HERC1: variants seen among roughly 807,000 people sequenced by gnomAD.
The protein encoded by HERC1 is HECT and RLD domain containing E3 ubiquitin protein ligase family member 1, also known as probable E3 ubiquitin-protein ligase HERC1.
Under a neutral mutation model 554.3 loss-of-function variants are expected in HERC1, and 160 were observed. The observed-to-expected ratio is 0.29, with a 90% CI of 0.25 to 0.33. The LOEUF (loss-of-function observed/expected upper bound fraction) is 0.33. Ranked by LOEUF, HERC1 falls within the 10% of genes least tolerant of loss-of-function variation. HERC1 has a pLI of 1.00. For missense variants in HERC1, 4,919 were observed against 5,918.5 expected (o/e 0.83, Z 5.54); for synonymous variants, 2,175 against 2,131.7 (o/e 1.02, Z -0.56).
At chr15:63,740,064 C>G (rs2141321373) in intron 12 of HERC1, among the ~76,000 whole-genome samples, 1 of 152,102 alleles carries the variant, frequency 6.6e-6, no homozygotes, top group East Asian at 1.9e-4. Flanking sequence ...GCATGCGCCA[C>G]CAGACTCAAC....
intron 1 of HERC1, among the ~76,000 whole-genome samples, chr15:63,830,434 A>C (rs2078114391): frequency 6.6e-6 from 1 of 152,192 alleles, no homozygotes; most frequent in Non-Finnish European, 1.5e-5. Context: ...GGTCGTGAAA[A>C]ACAAAAACTG....
chr15:63,763,579 CTT>C (rs368105722), intron 3 of HERC1, among the ~76,000 whole-genome samples: 26 of 141,656 alleles, frequency 1.8e-4, no homozygotes, highest in Admixed American at 2.1e-4. Context: ...AAAGACTTTC[CTT>C]TTTTTTTTTT....
intron 53 of HERC1, 50 bp from the exon 54 acceptor site, chr15:63,649,975 A>C (rs1452014919): frequency 1.5e-6 from 2 of 1,363,718 alleles, no homozygotes; most frequent in African/African-American, 2.9e-5. Context: ...TTAAAAAGAA[A>C]AAAAGGAACA....
In HERC1 at chr15:63,748,358, T is replaced by G. The variant is rs576625234; in HGVS notation, c.2220-500A>C. On this transcript the variant is annotated intron_variant, in intron 10 of 77. Transcript: ENST00000443617. The stretch of plus-strand genomic sequence containing the variant: ...AGGAAAACCAAGAATTTGCCATCTT[T>G]AAGAAGAAAACATACAACCACCACC... 1.0e-3 allele frequency among the ~76,000 whole-genome samples: 153 copies of G among 152,270 alleles called. 1 individual carries two copies. Among genetic ancestry groups the G allele is most frequent in the African/African-American group, 3.6e-3 (148 of 41,548 alleles).
rs2070514683 is a variant in HERC1, at chr15:63,664,456, G to C, written c.8680+14C>G. ...GATCTTTCACAAAGAAAAGGATACGGAACATAAAATTACCTGCTCTTGCTA... is the reference window on the plus strand; with the variant it reads ...GATCTTTCACAAAGAAAAGGATACGCAACATAAAATTACCTGCTCTTGCTA... On this transcript the variant is annotated intron_variant, in intron 43 of 77. Transcript: ENST00000443617. 1.2e-6 allele frequency: 2 copies of C among 1,604,202 alleles called. No homozygotes were observed. Among genetic ancestry groups the C allele is most frequent in the African/African-American group, 1.3e-5 (1 of 74,790 alleles).
rs1596101632 is a variant in HERC1 at position 63,734,709 on chromosome 15, C to T, written c.2646+15G>A. 1.3e-6 allele frequency: 2 copies of T among 1,520,890 alleles called. No individual in the cohort carries two copies. The highest frequency in any genetic ancestry group is 4.8e-5 in the East Asian group (2 of 41,450). 94.2% of individuals were successfully genotyped at this position (1,520,890 alleles called of 1,614,324 possible). A position where few individuals can be genotyped will look rare whatever the true frequency, so the allele number is the denominator to read the frequency against. On this transcript the variant is annotated intron_variant, in intron 13 of 77. Transcript: ENST00000443617. The surrounding 1 kb of genome is among the most constrained non-coding windows in gnomAD (Gnocchi z 4.6). ...GGATACTACTGGTTTACTTACACAGCAAGCAAAGGCCTACCTGTCCTTTAG... is the reference window on the plus strand; with the variant it reads ...GGATACTACTGGTTTACTTACACAGTAAGCAAAGGCCTACCTGTCCTTTAG...
Position 63,727,528 on chromosome 15 carries a change from G to T in HERC1, c.3346+119C>A. On this transcript the variant is annotated intron_variant, in intron 17 of 77. Transcript: ENST00000443617. This position sits in a 1 kb window ranked among gnomAD's most constrained non-coding sequence, Gnocchi z 4.3. ...TTTGAAAAGCTTTTAAGATTTCAGT[G>T]ATGAAATTCCTTTGATAGCCTTAGG... 1.6e-6 allele frequency: 1 copy of T among 638,220 alleles called. No homozygotes were observed. Among genetic ancestry groups the T allele is most frequent in the South Asian group, 3.1e-5 (1 of 32,122 alleles). 39.5% of individuals were successfully genotyped at this position (638,220 alleles called of 1,614,324 possible).
At chr15:63,668,378 A>T (rs929581140) in intron 40 of HERC1, among the ~76,000 whole-genome samples, 1 of 152,182 alleles carries the variant, frequency 6.6e-6, no homozygotes, top group African/African-American at 2.4e-5. Flanking sequence ...CTGTAGTCCC[A>T]GCTACTTGGG....
Position 63,638,761 on chromosome 15 carries a change from T to C in HERC1, c.11917A>G (p.Ile3973Val), listed in dbSNP as rs773842174. 2 of 1,613,566 alleles carry C rather than the reference T, an allele frequency of 1.2e-6. No individual in the cohort carries two copies. The highest frequency in any genetic ancestry group is 1.7e-6 in the Non-Finnish European group (2 of 1,179,506). The part of the protein sequence containing the change: ...LVFLMDNSKW[I>V]NGMDEQIMSW... ...ATAATTTGTTCATCCATGCCGTTAATCCATTTACTGTTATCCTGAAAAACA... is the reference window on the plus strand; with the variant it reads ...ATAATTTGTTCATCCATGCCGTTAACCCATTTACTGTTATCCTGAAAAACA... The change falls in exon 62 of 78, where the codon ATT becomes GTT. Residue 3973 changes from isoleucine (I) to valine (V), a missense_variant. Coordinates refer to ENST00000443617, the MANE Select transcript of HERC1 (RefSeq NM_003922.4).
At chr15:63,662,743 G>A (rs1395246565) in intron 44 of HERC1, among the ~76,000 whole-genome samples, 1 of 152,154 alleles carries the variant, frequency 6.6e-6, no homozygotes, top group Non-Finnish European at 1.5e-5. Context: ...ACCACAGTAT[G>A]ACTCTATTCA....
intron 69 of HERC1, among the ~76,000 whole-genome samples, chr15:63,629,093 G>A (rs540146786): frequency 1.3e-5 from 2 of 152,056 alleles, no homozygotes; most frequent in Admixed American, 1.3e-4. Flanking sequence ...GAGATTACAG[G>A]TGCCCGCCAC....
intron 1 of HERC1, among the ~76,000 whole-genome samples, chr15:63,822,231 T>C (rs966127886): frequency 6.6e-6 from 1 of 152,200 alleles, no homozygotes; most frequent in South Asian, 2.1e-4. Flanking sequence ...GACTACATCA[T>C]GTAGGACTTT....
intron 3 of HERC1, among the ~76,000 whole-genome samples, chr15:63,761,356 G>C (rs1356070023): frequency 1.3e-5 from 2 of 152,054 alleles, no homozygotes; most frequent in African/African-American, 4.8e-5. Flanking sequence ...GAGGTAGAAG[G>C]ATCACTTGAG....
intron 12 of HERC1, among the ~76,000 whole-genome samples, chr15:63,744,204 C>CTCTCTGT (rs1363103399): frequency 6.7e-6 from 1 of 148,432 alleles, no homozygotes; most frequent in South Asian, 2.2e-4. Flanking sequence ...CTCTGTCTCT[C>CTCTCTGT]CTCAGCCACC....
intron 30 of HERC1, among the ~76,000 whole-genome samples, chr15:63,693,195 C>A (rs982864078): frequency 8.7e-5 from 13 of 149,684 alleles, no homozygotes; most frequent in Non-Finnish European, 1.5e-4. Context: ...ACAAAAAAAA[C>A]CCAGAAAACA....
intron 12 of HERC1, among the ~76,000 whole-genome samples, chr15:63,743,263 C>CTTTTTTTTTTTTTTTTTTTTTTTCT (rs71131177): frequency 2.7e-5 from 3 of 109,182 alleles, no homozygotes; most frequent in African/African-American, 3.6e-5. Flanking sequence ...TTTTCTTTTT[C>CTTTTTTTTTTTTTTTTTTTTTTTCT]TTTTTTTTTT....
chr15:63,616,055 G>T, intron 75 of HERC1, 135 bp from the exon 76 acceptor site: 2 of 725,916 alleles, frequency 2.8e-6, no homozygotes, highest in Non-Finnish European at 4.5e-6. Flanking sequence ...AAACAGGTAG[G>T]ACTGATCAGG....
At chr15:63,789,197 TCTC>T (rs1294491159) in intron 1 of HERC1, among the ~76,000 whole-genome samples, 1 of 141,728 alleles carries the variant, frequency 7.1e-6, no homozygotes, top group Non-Finnish European at 1.5e-5. Context: ...TTCACGCCAT[TCTC>T]CTGCCTCAGC....
intron 1 of HERC1, among the ~76,000 whole-genome samples, chr15:63,777,593 T>C (rs2076152306): frequency 6.6e-6 from 1 of 152,268 alleles, no homozygotes; most frequent in South Asian, 2.1e-4. Context: ...TGCATTCTCC[T>C]ATTTTGTTAT....
Sources: allele counts gnomAD v4.1 joint callset (sites outside exome capture counted in the v4.1 genomes callset), GRCh38; gene constraint gnomAD v4.1.1; non-coding constraint Gnocchi (gnomAD v3.1); transcripts MANE v1.5; gene names NCBI Gene and HGNC (gene_info 2026-07-23, HGNC 2026-07-21).